Variants in SMARCAL1 observed in about 807,000 individuals in gnomAD.
SMARCAL1 encodes the protein SNF2 related chromatin remodeling annealing helicase 1, also known as ATP-driven annealing helicase.
In SMARCAL1, 58 loss-of-function variants were observed where a neutral mutation model predicts 94.5. That is an observed-to-expected ratio of 0.61 (90% CI 0.50 to 0.76). The LOEUF (loss-of-function observed/expected upper bound fraction) is 0.76, where lower values mean the gene tolerates loss of function less well. SMARCAL1 is among the 30% of genes least tolerant of loss of function. The pLI is 0.00. For synonymous variants in SMARCAL1, 422 were observed against 455.1 expected, an observed-to-expected ratio of 0.93 and a Z score of 0.93; for missense variants, 1,051 against 1,177.9, an observed-to-expected ratio of 0.89 and a Z score of 1.58.
At chr2:216,465,378 A>G (rs1344349558) in intron 13 of SMARCAL1, among the ~76,000 whole-genome samples, 1 of 151,588 alleles carries the variant, frequency 6.6e-6, no homozygotes, top group Non-Finnish European at 1.5e-5. Context: ...GCCTTTAGGG[A>G]AAAAAAAATT....
Position 216,437,785 on chromosome 2 carries a change from C to CTA in SMARCAL1, c.1645-621_1645-620dup, listed in dbSNP as rs3836032. Among the ~76,000 whole-genome samples, 323 of 150,750 alleles carry CTA rather than the reference C, an allele frequency of 2.1e-3. 2 individuals carry two copies. The highest frequency in any genetic ancestry group is 5.0e-3 in the Admixed American group (75 of 15,098). ...GAAAAAAAGAATAAAGAAAAACAAA[C>CTA]TATATATATATATATGTATGTATTT... is the stretch of plus-strand genomic sequence containing the variant. On this transcript the variant is annotated intron_variant, in intron 9 of 17. Transcript: ENST00000357276.
chr2:216,464,735 T>G (rs1052120049), intron 13 of SMARCAL1, 68 bp downstream of exon 13: 3 of 1,074,500 alleles, frequency 2.8e-6, no homozygotes, highest in Non-Finnish European at 4.3e-6. Context: ...AACTTATTAC[T>G]TTATTCTGCC....
In SMARCAL1 at chr2:216,413,899, G is replaced by A. The variant is rs1693522887; in HGVS notation, c.-59+7G>A. 6.6e-6 allele frequency: 1 copy of A among 152,186 alleles called. No individual in the cohort carries two copies. The highest frequency in any genetic ancestry group is 1.5e-5 in the Non-Finnish European group (1 of 68,046). 9.4% of individuals were successfully genotyped at this position (152,186 alleles called of 1,614,324 possible). ...TAGCAAGTGTCACGCCATGGTATGT[G>A]GTTGGTTGGTCTATTTCAGTCTAAT... On this transcript the variant is annotated splice_region_variant and intron_variant, in intron 2 of 17. Coordinates refer to ENST00000357276, the MANE Select transcript of SMARCAL1 (RefSeq NM_014140.4).
intron 5 of SMARCAL1, 54 bp downstream of exon 5, chr2:216,420,586 A>C: frequency 2.5e-5 from 35 of 1,402,568 alleles, no homozygotes; most frequent in Non-Finnish European, 3.2e-5. Context: ...CTGTGATCTC[A>C]ACATAGGGTG....
At position 216,428,699 on chromosome 2, in the gene SMARCAL1, G is replaced by A. The variant is rs372331472; in HGVS notation, c.1251G>A (p.Thr417=). The A allele has an allele frequency of 2.2e-5, 36 of 1,613,976 alleles. No homozygotes were observed. Among genetic ancestry groups the A allele is most frequent in the Non-Finnish European group, 2.6e-5 (31 of 1,179,994 alleles). The part of the protein sequence containing the change: ...SQLKKTSLSL[T]PDVPEADLSE... ...TCAAGAAGACATCTCTCAGTCTCACGCCAGATGTCCCAGAGGCAGACCTTT... is the reference window on the plus strand; with the variant it reads ...TCAAGAAGACATCTCTCAGTCTCACACCAGATGTCCCAGAGGCAGACCTTT... The change falls in exon 7 of 18, where the codon ACG becomes ACA. Residue 417 remains threonine, a synonymous_variant. Coordinates refer to ENST00000357276, the MANE Select transcript of SMARCAL1 (RefSeq NM_014140.4).
chr2:216,422,351 G>A (rs559171523), intron 5 of SMARCAL1, among the ~76,000 whole-genome samples: 5 of 152,174 alleles, frequency 3.3e-5, no homozygotes, highest in African/African-American at 1.2e-4. Context: ...CTGCACTCCA[G>A]CCTGGGTGAC....
At chr2:216,440,821 C>T (rs1356662496) in intron 10 of SMARCAL1, among the ~76,000 whole-genome samples, 1 of 152,116 alleles carries the variant, frequency 6.6e-6, no homozygotes, top group Non-Finnish European at 1.5e-5. Flanking sequence ...GGATGTTTAG[C>T]AGCATCCGTG....
chr2:216,419,534 G>GGA (rs1693668445), intron 4 of SMARCAL1, among the ~76,000 whole-genome samples: 1 of 151,620 alleles, frequency 6.6e-6, no homozygotes, highest in Non-Finnish European at 1.5e-5. Context: ...TTTGTGACCT[G>GGA]GTGATCCTGG....
chr2:216,452,694 A>T (rs545085663), intron 12 of SMARCAL1, among the ~76,000 whole-genome samples: 2 of 152,278 alleles, frequency 1.3e-5, no homozygotes, highest in East Asian at 3.9e-4. Context: ...GTTGAAACAC[A>T]ACTGTGAATT....
In SMARCAL1 at chr2:216,482,513, C is replaced by G. The variant is rs1020444816; in HGVS notation, c.2626-225C>G. On this transcript the variant is annotated intron_variant, in intron 17 of 17. Coordinates refer to ENST00000357276, the MANE Select transcript of SMARCAL1 (RefSeq NM_014140.4). The surrounding 1 kb of genome is among the most constrained non-coding windows in gnomAD (Gnocchi z 4.3). ...TTGCACTCACAACCATTTCTTTTTCCTAACTCAATGAGCACAGAGAGGGTA... is the reference window on the plus strand; with the variant it reads ...TTGCACTCACAACCATTTCTTTTTCGTAACTCAATGAGCACAGAGAGGGTA... Among the ~76,000 whole-genome samples the G allele has an allele frequency of 2.6e-5, 4 of 152,080 alleles. No homozygotes were observed. The highest frequency in any genetic ancestry group is 4.4e-5 in the Non-Finnish European group (3 of 68,008).
chr2:216,414,630 C>G lies in SMARCAL1; in HGVS notation c.-58-17C>G. 8.0e-7 allele frequency: 1 copy of G among 1,253,622 alleles called. No individual in the cohort carries two copies. The allele number at this position is 1,253,622 out of a possible 1,614,324, so 77.7% of individuals were successfully genotyped here. On this transcript the variant is annotated splice_polypyrimidine_tract_variant and intron_variant, in intron 2 of 17. Transcript: ENST00000357276. ...TACATGTAATGTTCATTTCATTCTT[C>G]TTACTTTCTTCCACAGCTTTTGCCA...
chr2:216,457,151 T>C (rs1694585325), intron 12 of SMARCAL1, among the ~76,000 whole-genome samples: 2 of 152,188 alleles, frequency 1.3e-5, no homozygotes, highest in Admixed American at 1.3e-4. Flanking sequence ...ATCCTAAATA[T>C]ATATGCACCC....
intron 9 of SMARCAL1, among the ~76,000 whole-genome samples, chr2:216,436,348 C>T (rs1694082177): frequency 6.6e-6 from 1 of 152,218 alleles, no homozygotes; most frequent in Non-Finnish European, 1.5e-5. Context: ...GGCTTTCCTA[C>T]TTTTAACTCC....
At chr2:216,481,030 TGGG>T (rs917613957) in intron 17 of SMARCAL1, among the ~76,000 whole-genome samples, 5 of 151,980 alleles carry the variant, frequency 3.3e-5, no homozygotes, top group Non-Finnish European at 7.4e-5. Context: ...AGGGAACTAA[TGGG>T]GGGAACAAAC....
chr2:216,425,436 T>A (rs1210907646), intron 6 of SMARCAL1, among the ~76,000 whole-genome samples: 1 of 152,074 alleles, frequency 6.6e-6, no homozygotes, highest in Non-Finnish European at 1.5e-5. Context: ...TAAGGGGGTG[T>A]TACAGCATGT....
intron 14 of SMARCAL1, among the ~76,000 whole-genome samples, chr2:216,470,964 T>C (rs1012018124): frequency 9.4e-5 from 14 of 149,522 alleles, no homozygotes; most frequent in African/African-American, 3.4e-4. Flanking sequence ...AAAATACCAA[T>C]AATTAAAATT....
At chr2:216,432,584 G>A in intron 7 of SMARCAL1, 134 bp from the exon 8 acceptor site, 1 of 981,560 alleles carries the variant, frequency 1.0e-6, no homozygotes, top group South Asian at 1.3e-5. Context: ...CTTCTGGGGA[G>A]CAAGTCTGGT....
At chr2:216,445,215 T>C (rs7571069) in intron 10 of SMARCAL1, among the ~76,000 whole-genome samples, 14,658 of 152,214 alleles carry the variant, frequency 0.096, 877 homozygotes, top group South Asian at 0.18. Context: ...TGGGCATGTG[T>C]TAAAAGCCCT....
At chr2:216,443,956 T>C (rs1436060224) in intron 10 of SMARCAL1, among the ~76,000 whole-genome samples, 1 of 152,250 alleles carries the variant, frequency 6.6e-6, no homozygotes, top group Non-Finnish European at 1.5e-5. Flanking sequence ...GCTTTCGATT[T>C]AACTACAGGT....
Sources: allele counts gnomAD v4.1 joint callset (sites outside exome capture counted in the v4.1 genomes callset), GRCh38; gene constraint gnomAD v4.1.1; non-coding constraint Gnocchi (gnomAD v3.1); transcripts MANE v1.5; gene names NCBI Gene and HGNC (gene_info 2026-07-23, HGNC 2026-07-21).